The following TUSC3 variants were observed in gnomAD, a reference collection of about 807,000 sequenced individuals.
TUSC3 encodes tumor suppressor candidate 3.
TUSC3 carries 45 observed loss-of-function variants against 44.8 expected under a neutral mutation model. The observed-to-expected ratio is 1.00, with a 90% confidence interval of 0.79 to 1.29. The LOEUF (loss-of-function observed/expected upper bound fraction) is 1.29, where lower values mean the gene tolerates loss of function less well. Ranked by LOEUF, TUSC3 falls within the 50% of genes most tolerant of loss-of-function variation. The probability of loss-of-function intolerance (pLI) is 0.00; values close to 1 mark genes in which losing one functional copy is unlikely to be tolerated. For missense variants in TUSC3, 519 were observed against 437.9 expected (o/e 1.19, Z -1.65); for synonymous variants, 212 against 152.9 (o/e 1.39, Z -2.85).
rs935341680 is a variant in TUSC3 at position 15,422,096 on chromosome 8, C to T, written n.91+4791C>T. ...TACCCATCTTTCTGATACTCTTATA[C>T]CCCCACTCTGCCCAAAATAGCTCTT... On this transcript the variant is annotated intron_variant and non_coding_transcript_variant, in intron 1 of 5. Coordinates refer to the TUSC3 transcript ENST00000503191. 7.2e-5 allele frequency among the ~76,000 whole-genome samples: 11 copies of T among 152,258 alleles called. 1 individual carries two copies. In the South Asian group the frequency reaches 1.0e-3, roughly 14 times the overall value.
intron 2 of TUSC3, among the ~76,000 whole-genome samples, chr8:15,496,092 G>C (rs1011827243): frequency 6.6e-6 from 1 of 152,062 alleles, no homozygotes; most frequent in Non-Finnish European, 1.5e-5. Context: ...TCCTGTAGAG[G>C]AAAGCCACGA....
the TUSC3 span, among the ~76,000 whole-genome samples, chr8:15,771,933 C>T: frequency 6.6e-6 from 1 of 151,726 alleles, no homozygotes; most frequent in Non-Finnish European, 1.5e-5. Context: ...CTAAAAAATA[C>T]AAAAAATTAG....
chr8:15,834,488 A>C, the TUSC3 span, among the ~76,000 whole-genome samples: 2 of 152,144 alleles, frequency 1.3e-5, no homozygotes, highest in African/African-American at 4.8e-5. Flanking sequence ...TTTTAGACTG[A>C]AACAGGTATG....
chr8:15,630,866 A>G (rs1805730957), intron 2 of TUSC3, among the ~76,000 whole-genome samples: 1 of 152,132 alleles, frequency 6.6e-6, no homozygotes, highest in Non-Finnish European at 1.5e-5. Flanking sequence ...TTGTTTCCTT[A>G]CAGAGAGGTC....
chr8:15,602,666 ATGTG>A (rs60206119), intron 1 of TUSC3, among the ~76,000 whole-genome samples: 26,045 of 145,828 alleles, frequency 0.18, 2,359 homozygotes, highest in Non-Finnish European at 0.21. Flanking sequence ...AAATATTTAT[ATGTG>A]TGTGTGTGTG....
At chr8:15,539,345 CTTTTTTT>C (rs35685582), upstream of TUSC3, among the ~76,000 whole-genome samples, 9 of 69,406 alleles carry the variant, frequency 1.3e-4, no homozygotes, top group African/African-American at 4.2e-4. Context: ...TGCTATGGTT[CTTTTTTT>C]TTTTTTTTTT....
intron 2 of TUSC3, among the ~76,000 whole-genome samples, chr8:15,637,175 A>G (rs1806118098): frequency 1.3e-5 from 2 of 152,034 alleles, no homozygotes; most frequent in African/African-American, 2.4e-5. Flanking sequence ...TTGTTTTTCT[A>G]CTTCAGGGAC....
intron 2 of TUSC3, among the ~76,000 whole-genome samples, chr8:15,646,020 T>C (rs1414647294): frequency 6.6e-6 from 1 of 152,114 alleles, no homozygotes; most frequent in East Asian, 1.9e-4. Context: ...TAAATGCCAC[T>C]TCTGTACTAG....
At position 15,616,700 on chromosome 8, in the gene TUSC3, G is replaced by A. The variant is rs555509809; in HGVS notation, c.139-6380G>A. ...CTGTGGGTGGCAGGAAGGAGAGAGC[G>A]CTACAACAGTCCTTGGGGGCTCTGA... On this transcript the variant is annotated intron_variant, in intron 1 of 10. Coordinates refer to ENST00000503731, the MANE Select transcript of TUSC3 (RefSeq NM_006765.4). Among the ~76,000 whole-genome samples the A allele has an allele frequency of 2.6e-5, 4 of 152,284 alleles. No homozygotes were observed. The South Asian group carries it at 8.3e-4, about 32-fold the overall frequency.
At chr8:15,430,448 T>G (rs1261028284) in intron 1 of TUSC3, among the ~76,000 whole-genome samples, 2 of 150,540 alleles carry the variant, frequency 1.3e-5, no homozygotes, top group African/African-American at 4.9e-5. Flanking sequence ...TTAAAAACTC[T>G]CAATAAATTA....
chr8:15,830,121 G>C, the TUSC3 span, among the ~76,000 whole-genome samples: 2 of 151,546 alleles, frequency 1.3e-5, no homozygotes, highest in Non-Finnish European at 2.9e-5. Context: ...CATGTCCTCT[G>C]CCCACTTTGT....
In TUSC3 at chr8:15,708,237, G is replaced by T. The variant is rs373131963; in HGVS notation, c.799-22429G>T. The stretch of plus-strand genomic sequence containing the variant: ...TATGTAAAGTTATTGGTAGATTCAG[G>T]ATAATAAATGTAGAGGAAATGGAAT... On this transcript the variant is annotated intron_variant, in intron 6 of 10. Transcript: ENST00000503731. 3.9e-5 allele frequency among the ~76,000 whole-genome samples: 6 copies of T among 152,002 alleles called. No homozygotes were observed. In the South Asian group the frequency reaches 1.2e-3, roughly 32 times the overall value.
intron 1 of TUSC3, among the ~76,000 whole-genome samples, chr8:15,577,851 A>G (rs1803176210): frequency 6.6e-6 from 1 of 150,488 alleles, no homozygotes; most frequent in Non-Finnish European, 1.5e-5. Flanking sequence ...TTCTGTGAGG[A>G]AAGTCATTGG....
At chr8:15,522,847 C>G (rs769779768) in intron 2 of TUSC3, among the ~76,000 whole-genome samples, 1 of 152,138 alleles carries the variant, frequency 6.6e-6, no homozygotes, top group Admixed American at 6.5e-5. Context: ...TATAAATTCT[C>G]AAGCTTGTCT....
chr8:15,833,218 G>A, the TUSC3 span, among the ~76,000 whole-genome samples: 1 of 152,114 alleles, frequency 6.6e-6, no homozygotes, highest in Non-Finnish European at 1.5e-5. Flanking sequence ...AACAGGTGCT[G>A]GCAAGGTTGC....
At chr8:15,617,739 G>A (rs758288923) in intron 1 of TUSC3, among the ~76,000 whole-genome samples, 5 of 152,148 alleles carry the variant, frequency 3.3e-5, no homozygotes, top group Admixed American at 6.5e-5. Context: ...TTATGTTTAC[G>A]TTAGTAATGC....
chr8:15,460,152 C>A (rs1471222783), intron 1 of TUSC3, among the ~76,000 whole-genome samples: 1 of 152,162 alleles, frequency 6.6e-6, no homozygotes, highest in Non-Finnish European at 1.5e-5. Flanking sequence ...ACATTCCCAA[C>A]AGGAGTGTAG....
chr8:15,634,369 A>G (rs1327801472), intron 2 of TUSC3, among the ~76,000 whole-genome samples: 3 of 151,966 alleles, frequency 2.0e-5, no homozygotes, highest in Non-Finnish European at 4.4e-5. Flanking sequence ...GTAGTTAGTT[A>G]CTCCAATCTG....
chr8:15,530,520 T>C (rs1455713497), intron 2 of TUSC3, among the ~76,000 whole-genome samples: 12 of 152,144 alleles, frequency 7.9e-5, no homozygotes. Context: ...AGCACAGAGA[T>C]GTGAAATAAT....
Sources: gnomAD v4.1 joint callset for allele counts (sites outside exome capture counted in the v4.1 genomes callset) on GRCh38, gnomAD v4.1.1 for gene constraint, MANE v1.5 for transcripts, NCBI Gene and HGNC (gene_info 2026-07-23, HGNC 2026-07-21) for gene names.